Variants in MGAT4C observed in about 807,000 individuals in gnomAD.
MGAT4C encodes the protein alpha-1,3-mannosyl-glycoprotein 4-beta-N-acetylglucosaminyltransferase C.
A neutral mutation model predicts 40.1 loss-of-function variants in MGAT4C; 19 were observed. The observed-to-expected ratio is 0.47, with a 90% CI of 0.33 to 0.70. MGAT4C has a LOEUF of 0.70. Among genes scored for constraint, MGAT4C ranks in the 30% least tolerant of loss-of-function variants. The pLI is 0.02. For synonymous variants in MGAT4C, 181 were observed against 187.1 expected, an observed-to-expected ratio of 0.97 and a Z score of 0.27; for missense variants, 491 against 563.2, an observed-to-expected ratio of 0.87 and a Z score of 1.30.
At chr12:86,498,858 G>A (rs888267287) in intron 2 of MGAT4C, among the ~76,000 whole-genome samples, 1 of 151,818 alleles carries the variant, frequency 6.6e-6, no homozygotes, top group African/African-American at 2.4e-5. Flanking sequence ...ATAACATCAT[G>A]GGACGTATAA....
At chr12:86,552,765 T>C (rs1959429121) in intron 2 of MGAT4C, among the ~76,000 whole-genome samples, 1 of 152,148 alleles carries the variant, frequency 6.6e-6, no homozygotes, top group African/African-American at 2.4e-5. Context: ...AAATAAGCTA[T>C]TAATTTTCTG....
At chr12:86,169,752 T>A (rs1262941975) in intron 1 of MGAT4C, among the ~76,000 whole-genome samples, 1 of 152,154 alleles carries the variant, frequency 6.6e-6, no homozygotes, top group Non-Finnish European at 1.5e-5. Context: ...CCTCTTCTGA[T>A]AGAGTTTCCT....
Position 86,061,474 on chromosome 12 carries a change from GTT to G in MGAT4C, c.-56-11753_-56-11752del, listed in dbSNP as rs71076156. 2.1e-3 allele frequency among the ~76,000 whole-genome samples: 307 copies of G among 146,364 alleles called. 1 individual carries two copies. Among genetic ancestry groups the G allele is most frequent in the Middle Eastern group, 3.5e-3 (1 of 284 alleles). On this transcript the variant is annotated intron_variant, in intron 1 of 4. Transcript: ENST00000611864. ...AGCTAACTGCAGGAGTTTTTTTTTTGTTTTTTTTTTTCCATGCCCCAGTGGTG... is the reference window on the plus strand; with the variant it reads ...AGCTAACTGCAGGAGTTTTTTTTTTGTTTTTTTTTCCATGCCCCAGTGGTG...
At chr12:86,595,898 C>A (rs1045420269) in intron 2 of MGAT4C, among the ~76,000 whole-genome samples, 5 of 152,060 alleles carry the variant, frequency 3.3e-5, no homozygotes, top group African/African-American at 1.2e-4. Flanking sequence ...CCATGAACTC[C>A]AGTATCACCA....
At chr12:86,514,105 C>CACACACA (rs1485999871) in intron 2 of MGAT4C, among the ~76,000 whole-genome samples, 31 of 149,404 alleles carry the variant, frequency 2.1e-4, no homozygotes, top group African/African-American at 7.7e-4. Context: ...CACACACACA[C>CACACACA]ACACAACCCC....
chr12:86,121,236 T>C (rs1224817356), intron 1 of MGAT4C, among the ~76,000 whole-genome samples: 1 of 152,202 alleles, frequency 6.6e-6, no homozygotes, highest in Admixed American at 6.5e-5. Context: ...CCAAGAAATA[T>C]GGGACTATGT....
intron 1 of MGAT4C, among the ~76,000 whole-genome samples, chr12:86,179,122 G>T (rs1463789128): frequency 6.6e-6 from 1 of 152,122 alleles, no homozygotes; most frequent in Non-Finnish European, 1.5e-5. Context: ...CATGGTGGCT[G>T]GTCTTTCTTG....
rs71076158 is a variant in MGAT4C at position 86,072,026 on chromosome 12, T to TTGTGTGTGTGTG, written c.-56-22315_-56-22304dup. Reference sequence around the variant, plus strand: ...TAAGTAGCAGTTAATGCATAGGGTTTTGTGTGTGTGTGTGTGTGTGTGTGT... The same window carrying TTGTGTGTGTGTG: ...TAAGTAGCAGTTAATGCATAGGGTTTTGTGTGTGTGTGTGTGTGTGTGTGTGTGTGTGTGTGT... On this transcript the variant is annotated intron_variant, in intron 1 of 4. Transcript: ENST00000611864. Among the ~76,000 whole-genome samples the TTGTGTGTGTGTG allele has an allele frequency of 2.4e-3, 362 of 149,060 alleles. 1 individual carries two copies. The highest frequency in any genetic ancestry group is 7.7e-3 in the African/African-American group (311 of 40,444).
rs549578401 is a variant in MGAT4C at position 86,141,342 on chromosome 12, T to G, written c.-56-91619A>C. 2.6e-5 allele frequency among the ~76,000 whole-genome samples: 4 copies of G among 152,300 alleles called. No homozygotes were observed. In the South Asian group the frequency reaches 8.3e-4, roughly 32 times the overall value. On this transcript the variant is annotated intron_variant, in intron 1 of 4. Transcript: ENST00000611864. ...TCAATAAAATAAAGTGAATTCAATT[T>G]AAGTTGAAATATAAATAAATAGCTG...
chr12:86,835,113 C>T (rs1953010273), intron 1 of MGAT4C, among the ~76,000 whole-genome samples: 1 of 151,638 alleles, frequency 6.6e-6, no homozygotes, highest in African/African-American at 2.4e-5. Flanking sequence ...TAAAGACAGA[C>T]ATGTGTTATG....
At position 85,972,447 on chromosome 12, in the gene MGAT4C, G is replaced by C. The variant is rs1883670361; in HGVS notation, c.*6842C>G. 6.6e-6 allele frequency: 1 copy of C among 150,478 alleles called. No homozygotes were observed. Among genetic ancestry groups the C allele is most frequent in the Admixed American group, 6.6e-5 (1 of 15,038 alleles). 9.3% of individuals were successfully genotyped at this position (150,478 alleles called of 1,614,324 possible). On this transcript the variant is annotated 3_prime_UTR_variant, in exon 5 of 5. Coordinates refer to ENST00000611864, the MANE Select transcript of MGAT4C (RefSeq NM_001351288.2). ...GACTGATTTCTAAAACAAAAAAAAA[G>C]ACTTTAGGAGTTTTAATTATTTTTA...
rs1046620028 is a variant in MGAT4C, at chr12:85,974,437, C to A, written c.*4852G>T. The A allele has an allele frequency of 1.3e-5, 2 of 150,400 alleles. No individual in the cohort carries two copies. The highest frequency in any genetic ancestry group is 6.7e-5 in the Admixed American group (1 of 15,024). The allele number at this position is 150,400 out of a possible 1,614,324, so 9.3% of individuals were successfully genotyped here. A position where few individuals can be genotyped will look rare whatever the true frequency, so the allele number is the denominator to read the frequency against. ...CAGACACACTTACACAACACATATA[C>A]AAATACATACATGTATATATGTATA... On this transcript the variant is annotated 3_prime_UTR_variant, in exon 5 of 5. Coordinates refer to ENST00000611864, the MANE Select transcript of MGAT4C (RefSeq NM_001351288.2).
intron 2 of MGAT4C, among the ~76,000 whole-genome samples, chr12:86,688,157 C>CTTTTTTTTTTTTTT (rs55637680): frequency 1.5e-3 from 99 of 65,216 alleles, no homozygotes; most frequent in South Asian, 1.7e-3. Context: ...GCAACCCCTG[C>CTTTTTTTTTTTTTT]TTTTTTTTTT....
intron 2 of MGAT4C, chr12:86,012,016 A>T: frequency 8.5e-6 from 2 of 235,470 alleles, no homozygotes; most frequent in Non-Finnish European, 1.4e-5. Context: ...GAATAATATT[A>T]CAAAGGACAA....
chr12:86,596,992 C>G (rs1160397198), intron 2 of MGAT4C, among the ~76,000 whole-genome samples: 2 of 152,258 alleles, frequency 1.3e-5, no homozygotes, highest in Admixed American at 6.5e-5. Flanking sequence ...AATGTTAAAA[C>G]AGATATCATA....
intron 2 of MGAT4C, among the ~76,000 whole-genome samples, chr12:86,568,673 G>T (rs559249436): frequency 1.3e-5 from 2 of 151,654 alleles, no homozygotes; most frequent in East Asian, 3.9e-4. Context: ...CTTGACTTCA[G>T]AAGATACTAC....
rs148047860 is a variant in MGAT4C, at chr12:86,663,276, C to G, written c.-229+63933G>C. Among the ~76,000 whole-genome samples the G allele has an allele frequency of 8.2e-4, 121 of 148,454 alleles. 2 individuals are homozygous for G. The highest frequency in any genetic ancestry group is 2.9e-3 in the African/African-American group (116 of 39,756). ...TTAGGAGGGTGAGGTGGGAGGATTA[C>G]CTGAGCCCTGGAGTTACAGGCTGCA... On this transcript the variant is annotated intron_variant, in intron 2 of 7. Transcript: ENST00000548651.
intron 4 of MGAT4C, among the ~76,000 whole-genome samples, chr12:86,291,776 C>T (rs1173464340): frequency 6.6e-6 from 1 of 151,788 alleles, no homozygotes; most frequent in East Asian, 2.0e-4. Context: ...TTTGCACCAA[C>T]CTAATAACTG....
Position 86,458,348 on chromosome 12 carries a change from A to T in MGAT4C, c.-228-23083T>A, listed in dbSNP as rs1425638643. Among the ~76,000 whole-genome samples the T allele has an allele frequency of 3.3e-5, 5 of 152,286 alleles. No individual in the cohort carries two copies. The East Asian group carries it at 9.6e-4, about 29-fold the overall frequency. ...TTTCCACACCTTCTCTAAAGTTCTCAAAAGTGCAATCAGCCTTTTCTTTGG... is the reference window on the plus strand; with the variant it reads ...TTTCCACACCTTCTCTAAAGTTCTCTAAAGTGCAATCAGCCTTTTCTTTGG... On this transcript the variant is annotated intron_variant, in intron 2 of 7. Coordinates refer to the MGAT4C transcript ENST00000548651.
Sources: gnomAD v4.1 joint callset for allele counts (sites outside exome capture counted in the v4.1 genomes callset) on GRCh38, gnomAD v4.1.1 for gene constraint, MANE v1.5 for transcripts, NCBI Gene and HGNC (gene_info 2026-07-23, HGNC 2026-07-21) for gene names.